The following MAD1L1 variants were observed in gnomAD, a reference collection of about 807,000 sequenced individuals.
MAD1L1 encodes the protein mitotic arrest deficient 1 like 1.
Under a neutral mutation model 96.9 loss-of-function variants are expected in MAD1L1, and 95 were observed. That is an observed-to-expected ratio of 0.98 (90% CI 0.83 to 1.16). MAD1L1 has a LOEUF of 1.16. Among genes scored for constraint, MAD1L1 ranks in the 50% most tolerant of loss-of-function variants. The pLI is 0.00. For missense variants in MAD1L1, 1,007 were observed against 954.4 expected (o/e 1.06, Z -0.73); for synonymous variants, 473 against 396.6 (o/e 1.19, Z -2.29).
chr7:1,997,692 T>C (rs544757618), intron 14 of MAD1L1, among the ~76,000 whole-genome samples: 1 of 152,372 alleles, frequency 6.6e-6, no homozygotes, highest in Admixed American at 6.5e-5. Context: ...AGCCCAGGGC[T>C]GCACAGCCCA....
chr7:1,864,570 C>T (rs1784688132), intron 18 of MAD1L1, among the ~76,000 whole-genome samples: 1 of 152,244 alleles, frequency 6.6e-6, no homozygotes, highest in African/African-American at 2.4e-5. Flanking sequence ...ATTCCTTAGA[C>T]ATCCACACGA....
At chr7:2,208,691 G>A (rs1467159500) in intron 10 of MAD1L1, among the ~76,000 whole-genome samples, 10 of 152,200 alleles carry the variant, frequency 6.6e-5, no homozygotes, top group Admixed American at 2.0e-4. Flanking sequence ...ATTTTCCAAA[G>A]AGAAGCAAGC....
At chr7:2,096,580 AG>A (rs1441821199) in intron 11 of MAD1L1, among the ~76,000 whole-genome samples, 3 of 152,098 alleles carry the variant, frequency 2.0e-5, no homozygotes, top group Non-Finnish European at 4.4e-5. Flanking sequence ...CAGCTCTCCA[AG>A]GGGCATCTGA....
intron 10 of MAD1L1, among the ~76,000 whole-genome samples, chr7:2,203,655 C>T (rs1584540065): frequency 2.6e-5 from 4 of 152,336 alleles, no homozygotes; most frequent in Admixed American, 2.6e-4. Context: ...GTTCAGCAGA[C>T]CAGCCTGCGC....
intron 17 of MAD1L1, among the ~76,000 whole-genome samples, chr7:1,902,605 G>A (rs948530039): frequency 1.5e-4 from 23 of 152,224 alleles, no homozygotes; most frequent in Admixed American, 8.5e-4. Context: ...GTCCACTTCC[G>A]CCCTTCCCCG....
intron 14 of MAD1L1, among the ~76,000 whole-genome samples, chr7:1,987,719 C>T (rs11773316): frequency 0.34 from 51,193 of 152,166 alleles, 9,211 homozygotes; most frequent in East Asian, 0.56. Flanking sequence ...TTTTCTCCTG[C>T]GGGCTCGGCA....
chr7:1,840,361 T>C lies in MAD1L1; in HGVS notation c.1999-24133A>G, dbSNP rs1583516116. Among the ~76,000 whole-genome samples, 5 of 152,342 alleles carry C rather than the reference T, an allele frequency of 3.3e-5. No homozygotes were observed. In the South Asian group the frequency reaches 8.3e-4, roughly 25 times the overall value. ...TGACTGCAGTGCGCCCCGGGGTATC[T>C]GGGAGACGCCTCTGCACAGTCTTTG... is the stretch of plus-strand genomic sequence containing the variant. On this transcript the variant is annotated intron_variant, in intron 18 of 18. Coordinates refer to ENST00000265854, the MANE Select transcript of MAD1L1 (RefSeq NM_001013836.2).
At chr7:2,177,154 T>C (rs1380473683) in intron 10 of MAD1L1, among the ~76,000 whole-genome samples, 1 of 152,266 alleles carries the variant, frequency 6.6e-6, no homozygotes, top group Non-Finnish European at 1.5e-5. Context: ...AGTTTTTCTG[T>C]ATCCGAGTCC....
At chr7:1,823,464 A>G (rs1303920537) in intron 18 of MAD1L1, among the ~76,000 whole-genome samples, 2 of 152,154 alleles carry the variant, frequency 1.3e-5, no homozygotes, top group African/African-American at 4.8e-5. Context: ...AGGATAAGCT[A>G]CACGACAGGG....
At position 1,829,964 on chromosome 7, in the gene MAD1L1, C is replaced by T. The variant is rs1782625379; in HGVS notation, c.1999-13736G>A. Among the ~76,000 whole-genome samples the T allele has an allele frequency of 2.0e-5, 3 of 152,078 alleles. 1 individual carries two copies. The South Asian group carries it at 6.2e-4, about 32-fold the overall frequency. The stretch of plus-strand genomic sequence containing the variant: ...AAAGACAAAGCCCAGAATTCTCCAC[C>T]CAGTGGAAATATCTCCCCCCAAATA... On this transcript the variant is annotated intron_variant, in intron 18 of 18. Coordinates refer to ENST00000265854, the MANE Select transcript of MAD1L1 (RefSeq NM_001013836.2).
intron 10 of MAD1L1, among the ~76,000 whole-genome samples, chr7:2,156,630 G>A (rs1350377562): frequency 1.3e-5 from 2 of 152,106 alleles, no homozygotes; most frequent in African/African-American, 4.8e-5. Context: ...GACCAGCCTG[G>A]CCAACATGGT....
In MAD1L1 at chr7:2,142,782, G is replaced by C. The variant is rs1433743920; in HGVS notation, c.1073+6370C>G. 6.6e-6 allele frequency among the ~76,000 whole-genome samples: 1 copy of C among 152,226 alleles called. No homozygotes were observed. On this transcript the variant is annotated intron_variant, in intron 11 of 18. Transcript: ENST00000265854. This position sits in a 1 kb window ranked among gnomAD's most constrained non-coding sequence, Gnocchi z 4.7. ...GGGCCCCCTTATGCCGAGAGCAGGT[G>C]GTCAGGTTGAGCATGAGACTTGCTG...
intron 11 of MAD1L1, among the ~76,000 whole-genome samples, chr7:2,133,648 C>T (rs1416276332): frequency 1.3e-5 from 2 of 152,200 alleles, no homozygotes; most frequent in African/African-American, 4.8e-5. Context: ...GATATTTCCG[C>T]CGCTATCTTC....
intron 12 of MAD1L1, among the ~76,000 whole-genome samples, chr7:2,068,321 C>G (rs1010944744): frequency 9.9e-5 from 15 of 152,224 alleles, no homozygotes; most frequent in Admixed American, 3.9e-4. Context: ...GCTGGAGAAG[C>G]TGTAAAACAG....
chr7:1,970,251 C>T (rs1780344166), intron 15 of MAD1L1, among the ~76,000 whole-genome samples: 1 of 150,992 alleles, frequency 6.6e-6, no homozygotes, highest in Non-Finnish European at 1.5e-5. Context: ...ATTTTGCACT[C>T]TGATTACAGG....
At chr7:1,952,396 C>T (rs529417649) in intron 16 of MAD1L1, among the ~76,000 whole-genome samples, 58 of 152,352 alleles carry the variant, frequency 3.8e-4, no homozygotes, top group Non-Finnish European at 7.4e-4. Context: ...TTGGTCCCGC[C>T]AGGACCTAAC....
At chr7:2,064,441 C>T (rs1190050422) in intron 12 of MAD1L1, among the ~76,000 whole-genome samples, 1 of 152,328 alleles carries the variant, frequency 6.6e-6, no homozygotes, top group Non-Finnish European at 1.5e-5. Context: ...CCTCAGGAAG[C>T]GGCTCTGGCC....
rs1174317498 is a variant in MAD1L1, at chr7:2,088,045, G to C, written c.1074-18707C>G. 6.6e-6 allele frequency among the ~76,000 whole-genome samples: 1 copy of C among 152,168 alleles called. No individual in the cohort carries two copies. The highest frequency in any genetic ancestry group is 1.5e-5 in the Non-Finnish European group (1 of 68,026). The stretch of plus-strand genomic sequence containing the variant: ...CAGCAGATCGAGGCTTGAGGCTCTA[G>C]GAGAGTTAGAGAAGAAGAAGACTGG... On this transcript the variant is annotated intron_variant, in intron 11 of 18. Transcript: ENST00000265854. This position sits in a 1 kb window ranked among gnomAD's most constrained non-coding sequence, Gnocchi z 4.4.
chr7:2,112,037 C>T (rs1280150567), intron 11 of MAD1L1, among the ~76,000 whole-genome samples: 1 of 152,188 alleles, frequency 6.6e-6, no homozygotes, highest in Non-Finnish European at 1.5e-5. Context: ...AAACAAGTCC[C>T]AGAGCAGCCG....
Sources: gnomAD v4.1 joint callset for allele counts (sites outside exome capture counted in the v4.1 genomes callset) on GRCh38, gnomAD v4.1.1 for gene constraint, Gnocchi (gnomAD v3.1) non-coding constraint, MANE v1.5 for transcripts, NCBI Gene and HGNC (gene_info 2026-07-23, HGNC 2026-07-21) for gene names.